YBEY: variants seen among roughly 807,000 people sequenced by gnomAD.
YBEY encodes the protein ybeY metalloendoribonuclease, also known as endoribonuclease YbeY.
YBEY carries 15 observed loss-of-function variants against 13.5 expected under a neutral mutation model. The ratio of observed to expected loss-of-function variants is 1.11; its 90% CI spans 0.75 to 1.72. The LOEUF (loss-of-function observed/expected upper bound fraction) is 1.72, where lower values mean the gene tolerates loss of function less well. Among genes scored for constraint, YBEY ranks in the 40% most tolerant of loss-of-function variants. YBEY has a pLI of 0.00. For missense variants in YBEY, 244 were observed against 208.4 expected, an observed-to-expected ratio of 1.17 and a Z score of -1.05; for synonymous variants, 101 against 83.1, an observed-to-expected ratio of 1.21 and a Z score of -1.17.
chr21:46,303,731 A>ATC, the YBEY span, among the ~76,000 whole-genome samples: 2 of 28,432 alleles, frequency 7.0e-5, no homozygotes, highest in Admixed American at 4.4e-4. Context: ...ATATATATAT[A>ATC]TATATATATA....
chr21:46,290,669 G>T (rs1274506078), intron 2 of YBEY, among the ~76,000 whole-genome samples: 2 of 152,050 alleles, frequency 1.3e-5, no homozygotes, highest in African/African-American at 4.8e-5. Flanking sequence ...AGCACTCTGG[G>T]AGGCTGAGGC....
At chr21:46,288,637 C>G (rs1022251170) in intron 2 of YBEY, among the ~76,000 whole-genome samples, 4 of 151,946 alleles carry the variant, frequency 2.6e-5, no homozygotes, top group African/African-American at 7.2e-5. Flanking sequence ...TGAGATTGCA[C>G]CACTGCACTC....
chr21:46,297,424 G>A (rs2145847832), intron 4 of YBEY, 115 bp from the exon 5 acceptor site: 4 of 1,031,730 alleles, frequency 3.9e-6, no homozygotes, highest in Non-Finnish European at 5.0e-6. Flanking sequence ...CTAGAGCCGC[G>A]CGGGCGGCCG....
intron 3 of YBEY, among the ~76,000 whole-genome samples, chr21:46,292,361 C>G (rs540147926): frequency 6.6e-6 from 1 of 152,242 alleles, no homozygotes; most frequent in Non-Finnish European, 1.5e-5. Context: ...TACATCTGAG[C>G]AGAATTCAGG....
chr21:46,311,082 G>A, the YBEY span, among the ~76,000 whole-genome samples: 47 of 152,054 alleles, frequency 3.1e-4, no homozygotes, highest in East Asian at 7.6e-3. Context: ...CTGTGGGCCA[G>A]GCTGGTCTCG....
the YBEY span, among the ~76,000 whole-genome samples, chr21:46,312,835 T>C: frequency 6.6e-6 from 1 of 152,354 alleles, no homozygotes; most frequent in South Asian, 2.1e-4. Context: ...CCCAGTGACC[T>C]CTCTATCCCA....
rs1192316759 is a variant in YBEY, at chr21:46,296,211, C to T, written c.389C>T (p.Thr130Met). The T allele has an allele frequency of 1.2e-6, 2 of 1,613,766 alleles. No homozygotes were observed. Among genetic ancestry groups the T allele is most frequent in the Non-Finnish European group, 8.5e-7 (1 of 1,180,008 alleles). The change falls in exon 4 of 5, where the codon ACG becomes ATG. Residue 130 changes from threonine (T) to methionine (M), a missense_variant. By Grantham distance (81) the Thr-to-Met change is moderately conservative (BLOSUM62 -1). Coordinates refer to ENST00000397701, the MANE Select transcript of YBEY (RefSeq NM_001314025.2). Reference sequence around the variant, plus strand: ...CACTTGCTGGGATTCACACACGGCACGGAGGCAGAGTGGCAGCAGGTAAGG... The same window carrying T: ...CACTTGCTGGGATTCACACACGGCATGGAGGCAGAGTGGCAGCAGGTAAGG... ...LCHLLGFTHG[T>M]EAEWQQMFQK...
At chr21:46,287,458 C>G (rs1034217934) in intron 2 of YBEY, among the ~76,000 whole-genome samples, 1 of 152,134 alleles carries the variant, frequency 6.6e-6, no homozygotes, top group Admixed American at 6.6e-5. Context: ...CCTCGGGCTT[C>G]CCAGAGTGTT....
chr21:46,304,906 T>C, the YBEY span, among the ~76,000 whole-genome samples: 126 of 152,358 alleles, frequency 8.3e-4, no homozygotes, highest in African/African-American at 2.9e-3. Context: ...TGCTGCAATG[T>C]GGGTGATCCT....
the YBEY span, among the ~76,000 whole-genome samples, chr21:46,309,568 A>G: frequency 6.6e-6 from 1 of 152,210 alleles, no homozygotes; most frequent in Non-Finnish European, 1.5e-5. Flanking sequence ...TATTCACACA[A>G]TGCAATACTA....
chr21:46,295,753 G>T (rs2081931269), intron 3 of YBEY, among the ~76,000 whole-genome samples: 1 of 152,046 alleles, frequency 6.6e-6, no homozygotes, highest in Non-Finnish European at 1.5e-5. Flanking sequence ...CTGGGGTGTG[G>T]GCTGTGCGCT....
chr21:46,303,167 GA>G, the YBEY span, among the ~76,000 whole-genome samples: 1,849 of 143,608 alleles, frequency 0.013, 34 homozygotes, highest in African/African-American at 0.043. Flanking sequence ...TCCGTCTCAA[GA>G]AAAAAAAAAA....
intron 3 of YBEY, among the ~76,000 whole-genome samples, chr21:46,292,909 TCA>T (rs2081793561): frequency 1.6e-5 from 1 of 63,544 alleles, no homozygotes; most frequent in African/African-American, 6.2e-5. Context: ...TGCCCGGGAC[TCA>T]GTGGGGACAG....
At chr21:46,303,737 ATATATATATTTTTTTT>A in the YBEY span, among the ~76,000 whole-genome samples, 2,377 of 30,150 alleles carry the variant, frequency 0.079, 103 homozygotes, top group African/African-American at 0.16. Flanking sequence ...ATATATATAT[ATATATATATTTTTTTT>A]TTTTTTTTTT....
the YBEY span, among the ~76,000 whole-genome samples, chr21:46,303,918 A>AT: frequency 1.4e-5 from 2 of 143,858 alleles, no homozygotes; most frequent in Non-Finnish European, 3.0e-5. Flanking sequence ...CGCCCGGCTA[A>AT]TTTTTTGTAT....
At chr21:46,304,128 G>A in the YBEY span, among the ~76,000 whole-genome samples, 12 of 142,036 alleles carry the variant, frequency 8.4e-5, no homozygotes, top group Non-Finnish European at 1.4e-4. Flanking sequence ...CCAGGTTCAT[G>A]CCATTCTCCC....
In YBEY at chr21:46,286,379, C is replaced by T. The variant is rs551473317; in HGVS notation, c.-81C>T. 13 of 153,722 alleles carry T rather than the reference C, an allele frequency of 8.5e-5. No homozygotes were observed. The highest frequency in any genetic ancestry group is 2.0e-4 in the South Asian group (1 of 5,074). The allele number at this position is 153,722 out of a possible 1,614,324, so 9.5% of individuals were successfully genotyped here. A position where few individuals can be genotyped will look rare whatever the true frequency, so the allele number is the denominator to read the frequency against. ...GGCGGGGCTTCCGGTCGGGAGGGTC[C>T]GCCCGCTCTCGCGTCCTTTGCTGGG... On this transcript the variant is annotated 5_prime_UTR_variant, in exon 1 of 5. Coordinates refer to ENST00000397701, the MANE Select transcript of YBEY (RefSeq NM_001314025.2).
chr21:46,298,434 C>CTTTTTTTTTTTTTTTTTTTTTT (rs557264546), downstream of YBEY, among the ~76,000 whole-genome samples: 1,088 of 96,928 alleles, frequency 0.011, 242 homozygotes, highest in Non-Finnish European at 0.014. Flanking sequence ...TTAATCCAAG[C>CTTTTTTTTTTTTTTTTTTTTTT]TTTTTTTTTT....
chr21:46,312,573 C>G, the YBEY span, among the ~76,000 whole-genome samples: 398 of 152,322 alleles, frequency 2.6e-3, 2 homozygotes, highest in African/African-American at 8.2e-3. Context: ...CCCATCCAAC[C>G]AACCAACAGT....
Sources: gnomAD v4.1 joint callset for allele counts (sites outside exome capture counted in the v4.1 genomes callset) on GRCh38, gnomAD v4.1.1 for gene constraint, MANE v1.5 for transcripts, NCBI Gene and HGNC (gene_info 2026-07-23, HGNC 2026-07-21) for gene names.